Variants in ANK3 observed in about 807,000 individuals in gnomAD.
ANK3 encodes ankyrin 3, also known as ankyrin-3.
Under a neutral mutation model 370.9 loss-of-function variants are expected in ANK3, and 57 were observed. That is an observed-to-expected ratio of 0.15 (90% CI 0.12 to 0.19). The LOEUF is 0.19. Ranked by LOEUF, ANK3 falls within the 10% of genes least tolerant of loss-of-function variation. ANK3 has a pLI of 1.00. For synonymous variants in ANK3, 1,929 were observed against 1,946.3 expected (o/e 0.99, Z 0.23); for missense variants, 4,439 against 5,302.1 (o/e 0.84, Z 5.06).
At position 60,071,806 on chromosome 10, in the gene ANK3, A is replaced by C; in HGVS notation, c.9075T>G (p.Val3025=). 1 of 1,609,986 alleles carries C rather than the reference A, an allele frequency of 6.2e-7. No individual in the cohort carries two copies. The highest frequency in any genetic ancestry group is 8.5e-7 in the Non-Finnish European group (1 of 1,177,956). ...AACCTACATAACTCTGGTGTTTGGA[A>C]ACTTTGCTGATTTCTGAATAGGTAA... ...EKVTYSEISK[V]SKHQSYVGLC... is the part of the protein sequence containing the mutation. Residue 3025 remains valine (V), a synonymous_variant, in exon 37 of 44, where the codon GTT becomes GTG. Transcript: ENST00000280772.
intron 7 of ANK3, among the ~76,000 whole-genome samples, chr10:60,243,789 T>C (rs1392792100): frequency 6.6e-6 from 1 of 152,198 alleles, no homozygotes; most frequent in African/African-American, 2.4e-5. Context: ...AGAAAAGACA[T>C]GGCGATCTAA....
chr10:60,069,683 A>C lies in ANK3; in HGVS notation c.11198T>G (p.Met3733Arg), dbSNP rs775043377. 6.2e-7 allele frequency: 1 copy of C among 1,613,946 alleles called. No individual in the cohort carries two copies. The highest frequency in any genetic ancestry group is 1.1e-5 in the South Asian group (1 of 91,048). Residue 3733 changes from methionine (M) to arginine (R), a missense_variant, in exon 37 of 44, where the codon ATG becomes AGG. Met to Arg is a moderately conservative substitution (Grantham distance 91). Around this residue, in one of 13 missense-constraint regions of ANK3, gnomAD observed 496 missense variants for 529.3 expected, o/e 0.94. Transcript: ENST00000280772. ...KMGISASTMT[M>R]KKEGPGEITD... ...TATTTCTCCAGGGCCTTCTTTCTTC[A>C]TGGTCATGGTGGATGCAGAAATTCC... is the stretch of plus-strand genomic sequence containing the variant.
At chr10:60,419,572 C>T (rs573578686) in intron 2 of ANK3, among the ~76,000 whole-genome samples, 32 of 152,278 alleles carry the variant, frequency 2.1e-4, no homozygotes, top group Admixed American at 1.8e-3. Context: ...TAAAACAGGA[C>T]ATCATCAAAG....
intron 1 of ANK3, among the ~76,000 whole-genome samples, chr10:60,363,503 A>G (rs1594536913): frequency 6.6e-6 from 1 of 152,230 alleles, no homozygotes; most frequent in African/African-American, 2.4e-5. Flanking sequence ...GGAAGATTCC[A>G]TAGAATTGAG....
Position 60,628,710 on chromosome 10 carries a change from A to G in ANK3, c.58-13486T>C, listed in dbSNP as rs546167685. Among the ~76,000 whole-genome samples, 47 of 152,352 alleles carry G rather than the reference A, an allele frequency of 3.1e-4. No homozygotes were observed. In the South Asian group the frequency reaches 9.1e-3, roughly 30 times the overall value. On this transcript the variant is annotated intron_variant, in intron 1 of 43. Coordinates refer to the ANK3 transcript ENST00000373827. ...ATAAATAAATAAACCAGATCACAAC[A>G]TTAAAATTGTAAAACTTGAAGTTCA...
chr10:60,358,014 T>C (rs1158038915), intron 1 of ANK3, among the ~76,000 whole-genome samples: 2 of 152,052 alleles, frequency 1.3e-5, no homozygotes, highest in Non-Finnish European at 2.9e-5. Context: ...CCCTTTTACA[T>C]TGTCAATTTC....
chr10:60,522,467 C>T (rs143875401), intron 2 of ANK3, among the ~76,000 whole-genome samples: 262 of 151,938 alleles, frequency 1.7e-3, no homozygotes, highest in Non-Finnish European at 2.6e-3. Flanking sequence ...CAGCTCCTTC[C>T]CTATATTCCA....
At chr10:60,639,562 C>T (rs1456855481) in intron 1 of ANK3, among the ~76,000 whole-genome samples, 1 of 151,422 alleles carries the variant, frequency 6.6e-6, no homozygotes, top group African/African-American at 2.4e-5. Context: ...TATGTAATAA[C>T]CTCATAAAAC....
At chr10:60,663,775 C>T (rs982755122) in intron 1 of ANK3, among the ~76,000 whole-genome samples, 2 of 152,140 alleles carry the variant, frequency 1.3e-5, no homozygotes, top group African/African-American at 4.8e-5. Flanking sequence ...ACTTATTTCT[C>T]CAAATTAATA....
intron 2 of ANK3, among the ~76,000 whole-genome samples, chr10:60,428,563 C>T (rs2063942442): frequency 6.6e-6 from 1 of 152,204 alleles, no homozygotes; most frequent in Non-Finnish European, 1.5e-5. Context: ...AAGGCAGACG[C>T]CACAGCCCTG....
chr10:60,615,258 A>G, intron 1 of ANK3: 1 of 1,458,306 alleles, frequency 6.9e-7, no homozygotes, highest in African/African-American at 1.4e-5. Flanking sequence ...TTTAGCAAAC[A>G]TGAAAGAATT....
chr10:60,283,333 G>GT (rs199551146), intron 1 of ANK3, among the ~76,000 whole-genome samples: 4,305 of 151,912 alleles, frequency 0.028, 118 homozygotes, highest in Admixed American at 0.081. Context: ...TCTATAGCTG[G>GT]TTTTTTTAAC....
rs1290739014 is a variant in ANK3 at position 60,071,087 on chromosome 10, A to T, written c.9794T>A (p.Ile3265Asn). ...ATAATGATGCTTCTTATCTGACTCA[A>T]TCTGGTCCGCATCCAGTGGTGGAGG... ...PPPPPLDADQIESDKKHHYLP... is the reference protein window; with the variant it reads ...PPPPPLDADQNESDKKHHYLP... The change falls in exon 37 of 44, where the codon ATT (isoleucine) becomes AAT (asparagine). Residue 3265 changes from isoleucine (I) to asparagine (N), a missense_variant. Physicochemically the swap from Ile to Asn is moderately radical, Grantham distance 149 (BLOSUM62 -3). Transcript: ENST00000280772. The T allele has an allele frequency of 2.5e-6, 4 of 1,614,094 alleles. No individual in the cohort carries two copies. In the East Asian group the frequency reaches 8.9e-5, roughly 36 times the overall value.
At position 60,070,423 on chromosome 10, in the gene ANK3, T is replaced by G; in HGVS notation, c.10458A>C (p.Ser3486=). The G allele has an allele frequency of 6.2e-7, 1 of 1,614,100 alleles. No individual in the cohort carries two copies. The highest frequency in any genetic ancestry group is 8.5e-7 in the Non-Finnish European group (1 of 1,180,004). The change falls in exon 37 of 44, where the codon TCA becomes TCC. Residue 3486 remains serine, a synonymous_variant. Coordinates refer to ENST00000280772, the MANE Select transcript of ANK3 (RefSeq NM_020987.5). The surrounding 1 kb of genome is among the most constrained non-coding windows in gnomAD (Gnocchi z 5.7). The part of the protein sequence containing the change: ...DEDKPPSKSS[S]SEKTPDKTDQ... ...CAGTCTTATCAGGAGTCTTTTCAGA[T>G]GAAGAACTTTTAGAAGGTGGCTTGT...
rs113029236 is a variant in ANK3 at position 60,554,504 on chromosome 10, G to A, written c.96+60682C>T. ...GCTTGCTGCTGACCAACTTCAAAAC[G>A]ATGAAGCCAAAAATTGCAATGGTAT... On this transcript the variant is annotated intron_variant, in intron 2 of 43. Coordinates refer to the ANK3 transcript ENST00000373827. Among the ~76,000 whole-genome samples the A allele has an allele frequency of 9.2e-3, 1,397 of 152,120 alleles. 27 individuals are homozygous for A. Among genetic ancestry groups the A allele is most frequent in the African/African-American group, 0.032 (1,311 of 41,494 alleles).
At chr10:60,218,731 GACCTT>G (rs1459583174) in intron 8 of ANK3, among the ~76,000 whole-genome samples, 1 of 151,678 alleles carries the variant, frequency 6.6e-6, no homozygotes, top group East Asian at 1.9e-4. Flanking sequence ...CCTTCATTTA[GACCTT>G]GGAGAGTCTG....
chr10:60,494,832 A>G (rs1243703498), intron 2 of ANK3, among the ~76,000 whole-genome samples: 3 of 152,194 alleles, frequency 2.0e-5, no homozygotes, highest in Non-Finnish European at 4.4e-5. Flanking sequence ...ATTTGATGGT[A>G]TATCGATGTA....
chr10:60,720,438 A>C (rs779364116), intron 1 of ANK3, among the ~76,000 whole-genome samples: 36 of 152,224 alleles, frequency 2.4e-4, no homozygotes, highest in Non-Finnish European at 5.0e-4. Flanking sequence ...TGCAGGATCA[A>C]AGCTTCCAAA....
At chr10:60,704,151 T>G (rs2079581333) in intron 1 of ANK3, among the ~76,000 whole-genome samples, 1 of 152,202 alleles carries the variant, frequency 6.6e-6, no homozygotes, top group Non-Finnish European at 1.5e-5. Context: ...TCTACAAAAG[T>G]TAATTCTACA....
Sources: allele counts gnomAD v4.1 joint callset (sites outside exome capture counted in the v4.1 genomes callset), GRCh38; gene constraint gnomAD v4.1.1; regional missense constraint gnomAD v4.1.1; non-coding constraint Gnocchi (gnomAD v3.1); transcripts MANE v1.5; gene names NCBI Gene and HGNC (gene_info 2026-07-23, HGNC 2026-07-21).